The following ZNF385B variants were observed in gnomAD, a reference collection of about 807,000 sequenced individuals.
The protein encoded by ZNF385B is zinc finger protein 533.
A neutral mutation model predicts 39.2 loss-of-function variants in ZNF385B; 23 were observed. That is an observed-to-expected ratio of 0.59 (90% CI 0.42 to 0.83). ZNF385B has a LOEUF of 0.83. ZNF385B is among the 40% of genes least tolerant of loss of function. The pLI is 0.00. For missense variants in ZNF385B, 552 were observed against 598.9 expected, an observed-to-expected ratio of 0.92 and a Z score of 0.82; for synonymous variants, 205 against 222.6, an observed-to-expected ratio of 0.92 and a Z score of 0.70.
chr2:179,442,909 T>C lies in ZNF385B; in HGVS notation c.*341A>G. The C allele has an allele frequency of 2.7e-6, 1 of 371,102 alleles. No homozygotes were observed. The allele number at this position is 371,102 out of a possible 1,614,324, so 23.0% of individuals were successfully genotyped here. A position where few individuals can be genotyped will look rare whatever the true frequency, so the allele number is the denominator to read the frequency against. ...TTCCATATTGTTTTAAGCCAGATCA[T>C]ACCCATGGAAAAATAGAGAATGGTT... On this transcript the variant is annotated 3_prime_UTR_variant, in exon 10 of 10. Coordinates refer to ENST00000410066, the MANE Select transcript of ZNF385B (RefSeq NM_152520.6).
At chr2:179,631,751 C>T (rs535031497) in intron 3 of ZNF385B, among the ~76,000 whole-genome samples, 7 of 152,076 alleles carry the variant, frequency 4.6e-5, no homozygotes, top group South Asian at 2.1e-4. Context: ...CAAGACCCAT[C>T]GGTGTGCTGT....
At chr2:179,755,143 A>G (rs1178579587) in intron 3 of ZNF385B, among the ~76,000 whole-genome samples, 3 of 152,058 alleles carry the variant, frequency 2.0e-5, no homozygotes, top group East Asian at 1.9e-4. Context: ...CTTTGTTCTC[A>G]TTGGTTTCAA....
intron 3 of ZNF385B, among the ~76,000 whole-genome samples, chr2:179,745,376 T>C (rs1162562988): frequency 6.6e-6 from 1 of 152,152 alleles, no homozygotes; most frequent in South Asian, 2.1e-4. Flanking sequence ...ATAATAACAC[T>C]GCTAATTACC....
chr2:179,715,993 G>T (rs186802385), intron 3 of ZNF385B, among the ~76,000 whole-genome samples: 62 of 152,136 alleles, frequency 4.1e-4, no homozygotes, highest in Non-Finnish European at 6.3e-4. Context: ...GCCCATAATA[G>T]CTACATAATG....
intron 3 of ZNF385B, among the ~76,000 whole-genome samples, chr2:179,559,962 T>G (rs1489185321): frequency 1.3e-5 from 2 of 152,212 alleles, no homozygotes; most frequent in East Asian, 3.8e-4. Context: ...CACCTTTCTA[T>G]TCTCTGTTTC....
At chr2:179,740,879 A>G (rs1702049126) in intron 3 of ZNF385B, among the ~76,000 whole-genome samples, 2 of 152,152 alleles carry the variant, frequency 1.3e-5, no homozygotes, top group Admixed American at 6.6e-5. Context: ...ATCTTGAGAG[A>G]TTTAAAATGA....
In ZNF385B at chr2:179,711,881, ATTTTTTT is replaced by A. The variant is rs747336802; in HGVS notation, c.298+57615_298+57621del. Among the ~76,000 whole-genome samples the A allele has an allele frequency of 3.7e-4, 34 of 90,920 alleles. 2 individuals carry two copies. In the East Asian group the frequency reaches 9.1e-3, roughly 24 times the overall value. 59.6% of individuals were successfully genotyped at this position (90,920 alleles called of 152,430 possible). On this transcript the variant is annotated intron_variant, in intron 3 of 9. Transcript: ENST00000410066. ...ACTGCAAAAATGCTATATAAACTGC[ATTTTTTT>A]TTTTTTTTTTTTTTTTTTTACAAAT... is the stretch of plus-strand genomic sequence containing the variant.
chr2:179,730,952 T>C (rs1388841559), intron 3 of ZNF385B, among the ~76,000 whole-genome samples: 1 of 152,228 alleles, frequency 6.6e-6, no homozygotes, highest in Non-Finnish European at 1.5e-5. Context: ...GGGACCTTTT[T>C]CCACCTTTTT....
intron 3 of ZNF385B, among the ~76,000 whole-genome samples, chr2:179,761,600 A>G (rs1156606737): frequency 1.3e-5 from 2 of 150,642 alleles, no homozygotes; most frequent in East Asian, 2.0e-4. Context: ...TTTTTTTGAG[A>G]CAGGTTCTCA....
intron 3 of ZNF385B, among the ~76,000 whole-genome samples, chr2:179,656,715 ATACT>A (rs1234766898): frequency 6.6e-6 from 1 of 152,076 alleles, no homozygotes; most frequent in Non-Finnish European, 1.5e-5. Context: ...CATTTTTTTC[ATACT>A]TGTCTCCCAA....
At chr2:179,638,220 T>C (rs75330317) in intron 3 of ZNF385B, among the ~76,000 whole-genome samples, 4,639 of 152,272 alleles carry the variant, frequency 0.03, 100 homozygotes, top group Non-Finnish European at 0.043. Context: ...TTAAGTGTTC[T>C]TATCACAACA....
At chr2:179,521,598 G>T (rs753690650) in intron 4 of ZNF385B, among the ~76,000 whole-genome samples, 1 of 151,912 alleles carries the variant, frequency 6.6e-6, no homozygotes, top group South Asian at 2.1e-4. Context: ...ATCCTGAAAG[G>T]TAAGTTGAGA....
At chr2:179,857,047 T>C (rs1684659223) in intron 1 of ZNF385B, among the ~76,000 whole-genome samples, 1 of 152,184 alleles carries the variant, frequency 6.6e-6, no homozygotes, top group Admixed American at 6.5e-5. Flanking sequence ...GGCATAATCC[T>C]GGGCTTATTC....
At chr2:179,593,051 C>T (rs1300644633) in intron 3 of ZNF385B, among the ~76,000 whole-genome samples, 2 of 151,952 alleles carry the variant, frequency 1.3e-5, no homozygotes. Context: ...AATAACTTCC[C>T]CAGGATTGAA....
intron 3 of ZNF385B, among the ~76,000 whole-genome samples, chr2:179,670,848 T>C (rs948042151): frequency 6.6e-6 from 1 of 152,218 alleles, no homozygotes; most frequent in African/African-American, 2.4e-5. Context: ...CCAGCCTTCA[T>C]TGTGAGCAGT....
At chr2:179,532,113 C>T (rs1423760912) in intron 4 of ZNF385B, among the ~76,000 whole-genome samples, 1 of 152,104 alleles carries the variant, frequency 6.6e-6, no homozygotes, top group African/African-American at 2.4e-5. Context: ...CAACATTTGT[C>T]CATTTGATTT....
intron 3 of ZNF385B, among the ~76,000 whole-genome samples, chr2:179,750,438 C>G (rs16866978): frequency 0.23 from 34,477 of 152,008 alleles, 4,335 homozygotes; most frequent in East Asian, 0.49. Flanking sequence ...AAGACAATGA[C>G]TTAGAAAAGT....
chr2:179,462,207 C>T (rs529456766), intron 6 of ZNF385B, among the ~76,000 whole-genome samples: 2 of 152,328 alleles, frequency 1.3e-5, no homozygotes, highest in African/African-American at 2.4e-5. Context: ...GCCCATATTA[C>T]TGTTTAACAC....
chr2:179,516,734 T>C (rs2058114441), intron 5 of ZNF385B, among the ~76,000 whole-genome samples: 1 of 152,124 alleles, frequency 6.6e-6, no homozygotes, highest in African/African-American at 2.4e-5. Flanking sequence ...TAAAAGTGTC[T>C]CTAAAGAGTA....
Sources: allele counts gnomAD v4.1 joint callset (sites outside exome capture counted in the v4.1 genomes callset), GRCh38; gene constraint gnomAD v4.1.1; transcripts MANE v1.5; gene names NCBI Gene and HGNC (gene_info 2026-07-23, HGNC 2026-07-21).